Variants in COL22A1 observed in about 807,000 individuals in gnomAD.
The protein encoded by COL22A1 is collagen alpha-1(XXII) chain.
Under a neutral mutation model 248.9 loss-of-function variants are expected in COL22A1, and 221 were observed. That is an observed-to-expected ratio of 0.89 (90% CI 0.80 to 0.99). The LOEUF (loss-of-function observed/expected upper bound fraction) is 0.99. COL22A1 is among the 50% of genes least tolerant of loss of function. COL22A1 has a pLI of 0.00. For synonymous variants in COL22A1, 891 were observed against 793.4 expected (o/e 1.12, Z -2.07); for missense variants, 2,240 against 2,179.0 (o/e 1.03, Z -0.56).
chr8:138,769,720 G>A (rs1032909890), intron 16 of COL22A1, among the ~76,000 whole-genome samples: 2 of 152,216 alleles, frequency 1.3e-5, no homozygotes, highest in African/African-American at 4.8e-5. Flanking sequence ...CCAGCACACA[G>A]CGGGTACCCA....
chr8:138,805,906 G>T (rs1271032683), intron 10 of COL22A1, among the ~76,000 whole-genome samples: 1 of 148,788 alleles, frequency 6.7e-6, no homozygotes, highest in Non-Finnish European at 1.5e-5. Context: ...TGGTGTAGGT[G>T]TGATGGTGTA....
chr8:138,824,973 A>ACCATGTC (rs1246678183), intron 6 of COL22A1, among the ~76,000 whole-genome samples: 9 of 152,322 alleles, frequency 5.9e-5, no homozygotes, highest in Admixed American at 6.5e-5. Context: ...GGAGGGGAAG[A>ACCATGTC]TGCACACATG....
At chr8:138,619,316 C>G (rs1564104326) in intron 53 of COL22A1, 139 bp downstream of exon 53, 3 of 692,938 alleles carry the variant, frequency 4.3e-6, no homozygotes, top group African/African-American at 3.6e-5. Flanking sequence ...ATTGACCGCA[C>G]AGAAGCACAG....
At chr8:138,593,921 T>C in intron 63 of COL22A1, 96 bp downstream of exon 63, 1 of 907,738 alleles carries the variant, frequency 1.1e-6, no homozygotes, top group Non-Finnish European at 1.6e-6. Flanking sequence ...GGAATGAGAG[T>C]GGCATGAATA....
chr8:138,756,683 T>C (rs1180852962), intron 18 of COL22A1, among the ~76,000 whole-genome samples: 1 of 152,176 alleles, frequency 6.6e-6, no homozygotes, highest in Non-Finnish European at 1.5e-5. Flanking sequence ...TGAAGGCATC[T>C]ATTAGGTCTT....
At chr8:138,786,911 CA>C (rs977157397) in intron 12 of COL22A1, among the ~76,000 whole-genome samples, 1 of 151,768 alleles carries the variant, frequency 6.6e-6, no homozygotes, top group African/African-American at 2.4e-5. Context: ...GACACCATCC[CA>C]AAAAAAGAAA....
Position 138,679,602 on chromosome 8 carries a change from T to C in COL22A1, c.3072+15A>G, listed in dbSNP as rs1277548885. 1.2e-6 allele frequency: 2 copies of C among 1,612,438 alleles called. No individual in the cohort carries two copies. Among genetic ancestry groups the C allele is most frequent in the Non-Finnish European group, 1.7e-6 (2 of 1,178,526 alleles). On this transcript the variant is annotated intron_variant, in intron 40 of 64. Transcript: ENST00000303045. ...TTCTGTCTTTTTGCAAATGTTTGCATAGATCTTCACTGACCTTAACACATT... is the reference window on the plus strand; with the variant it reads ...TTCTGTCTTTTTGCAAATGTTTGCACAGATCTTCACTGACCTTAACACATT...
rs78428676 is a variant in COL22A1, at chr8:138,647,151, C to T, written c.3448-469G>A. 4.6e-5 allele frequency among the ~76,000 whole-genome samples: 7 copies of T among 152,260 alleles called. No homozygotes were observed. The East Asian group carries it at 9.7e-4, about 21-fold the overall frequency. On this transcript the variant is annotated intron_variant, in intron 46 of 64. Transcript: ENST00000303045. ...TCATTTTGGGGAAAACCAGTTTCCA[C>T]GTCTTGATCTCACTCAAGCAGCTCT...
At chr8:138,794,960 C>G (rs1370183757) in intron 12 of COL22A1, among the ~76,000 whole-genome samples, 1 of 152,008 alleles carries the variant, frequency 6.6e-6, no homozygotes, top group Non-Finnish European at 1.5e-5. Context: ...TTAAGCAAAA[C>G]GAATGCATTC....
chr8:138,784,104 G>A (rs924947043), intron 12 of COL22A1, among the ~76,000 whole-genome samples: 1 of 152,230 alleles, frequency 6.6e-6, no homozygotes, highest in African/African-American at 2.4e-5. Context: ...GTTCGAAGAT[G>A]TTAGTTGGAG....
intron 1 of COL22A1, among the ~76,000 whole-genome samples, chr8:138,903,367 A>G (rs1476457531): frequency 6.6e-6 from 1 of 152,218 alleles, no homozygotes; most frequent in Non-Finnish European, 1.5e-5. Flanking sequence ...ACAGTTCAGG[A>G]CAGACTGGGG....
At chr8:138,671,212 G>A (rs144052760) in intron 41 of COL22A1, among the ~76,000 whole-genome samples, 2 of 152,096 alleles carry the variant, frequency 1.3e-5, no homozygotes, top group Non-Finnish European at 2.9e-5. Context: ...TGTCATGAAT[G>A]CATAAAATAT....
chr8:138,818,128 T>C (rs888902844), intron 7 of COL22A1, among the ~76,000 whole-genome samples: 1 of 152,208 alleles, frequency 6.6e-6, no homozygotes, highest in Non-Finnish European at 1.5e-5. Flanking sequence ...ATGTTCGTTA[T>C]TCCCTCTGAG....
At chr8:138,646,832 G>A in intron 46 of COL22A1, 150 bp from the exon 47 acceptor site, 2 of 596,848 alleles carry the variant, frequency 3.4e-6, no homozygotes, top group Non-Finnish European at 5.8e-6. Flanking sequence ...GCCTGTCTGA[G>A]CAAAGGGTAT....
At chr8:138,651,488 T>C (rs1045306586) in intron 45 of COL22A1, among the ~76,000 whole-genome samples, 4 of 152,208 alleles carry the variant, frequency 2.6e-5, no homozygotes, top group Admixed American at 6.5e-5. Context: ...CATCTTCTTT[T>C]AGTGGTTAGT....
chr8:138,616,294 A>G (rs554002147), intron 54 of COL22A1, among the ~76,000 whole-genome samples: 3 of 152,326 alleles, frequency 2.0e-5, no homozygotes, highest in African/African-American at 7.2e-5. Flanking sequence ...CAGCTCAAGC[A>G]GGGAAGAACA....
chr8:138,805,997 T>TA (rs1817590696), intron 10 of COL22A1, among the ~76,000 whole-genome samples: 5 of 63,682 alleles, frequency 7.9e-5, no homozygotes, highest in Non-Finnish European at 1.4e-4. Flanking sequence ...TGTGATGGTG[T>TA]GTGTGTGTGA....
At chr8:138,864,135 A>T (rs762990620) in intron 3 of COL22A1, among the ~76,000 whole-genome samples, 3 of 152,106 alleles carry the variant, frequency 2.0e-5, no homozygotes, top group Non-Finnish European at 4.4e-5. Flanking sequence ...CCCCATGCTC[A>T]TCTTCTAGAC....
chr8:138,797,242 G>C (rs1816627254), intron 11 of COL22A1, among the ~76,000 whole-genome samples: 1 of 152,122 alleles, frequency 6.6e-6, no homozygotes, highest in East Asian at 1.9e-4. Flanking sequence ...ATATCTATTA[G>C]CAATGACTCC....
Sources: allele counts gnomAD v4.1 joint callset (sites outside exome capture counted in the v4.1 genomes callset), GRCh38; gene constraint gnomAD v4.1.1; transcripts MANE v1.5; gene names NCBI Gene and HGNC (gene_info 2026-07-23, HGNC 2026-07-21).